The following LARP4B variants were observed in gnomAD, a reference collection of about 807,000 sequenced individuals.
LARP4B encodes La ribonucleoprotein 4B.
A neutral mutation model predicts 89.8 loss-of-function variants in LARP4B; 12 were observed. That is an observed-to-expected ratio of 0.13 (90% CI 0.09 to 0.22). The LOEUF is 0.22. Ranked by LOEUF, LARP4B falls within the 10% of genes least tolerant of loss-of-function variation. The probability of loss-of-function intolerance (pLI) is 1.00; values close to 1 mark genes in which losing one functional copy is unlikely to be tolerated. For synonymous variants in LARP4B, 367 were observed against 363.3 expected (o/e 1.01, Z -0.12); for missense variants, 757 against 947.7 (o/e 0.80, Z 2.64).
the LARP4B span, among the ~76,000 whole-genome samples, chr10:977,798 G>A: frequency 6.6e-6 from 1 of 152,176 alleles, no homozygotes; most frequent in African/African-American, 2.4e-5. Context: ...AGGGACTTGA[G>A]CATCCACTGA....
the LARP4B span, chr10:987,630 A>C: frequency 6.6e-6 from 1 of 152,256 alleles, no homozygotes; most frequent in Non-Finnish European, 1.5e-5. Flanking sequence ...TGACTGAGTC[A>C]GCCCTACCTA....
chr10:873,312 A>C, intron 3 of LARP4B: 10 of 985,428 alleles, frequency 1.0e-5, no homozygotes, highest in Non-Finnish European at 1.1e-5. Flanking sequence ...AATCCTAATG[A>C]CAACAGAGCC....
At chr10:950,303 A>C in the LARP4B span, among the ~76,000 whole-genome samples, 1 of 152,188 alleles carries the variant, frequency 6.6e-6, no homozygotes, top group African/African-American at 2.4e-5. Flanking sequence ...AAGCAATCTT[A>C]TATATTATCA....
At chr10:856,339 C>CA (rs1834302023) in intron 5 of LARP4B, among the ~76,000 whole-genome samples, 2 of 152,034 alleles carry the variant, frequency 1.3e-5, no homozygotes. Context: ...ATATGCATTA[C>CA]AAAAAAATGC....
intron 1 of LARP4B, among the ~76,000 whole-genome samples, chr10:919,906 G>A (rs772412829): frequency 3.3e-5 from 5 of 152,184 alleles, no homozygotes; most frequent in East Asian, 1.9e-4. Context: ...GATACAAACC[G>A]GAGGGTGTTA....
intron 8 of LARP4B, among the ~76,000 whole-genome samples, chr10:831,876 A>G (rs1369674754): frequency 6.6e-6 from 1 of 152,254 alleles, no homozygotes; most frequent in Non-Finnish European, 1.5e-5. Flanking sequence ...AAGCATGCAA[A>G]GAAATAGAAA....
chr10:828,503 C>T (rs1476867578), intron 11 of LARP4B, among the ~76,000 whole-genome samples: 3 of 152,326 alleles, frequency 2.0e-5, no homozygotes, highest in Non-Finnish European at 4.4e-5. Context: ...TGCCTGTCAG[C>T]GGTGACATCC....
chr10:884,296 G>A (rs1588962012), intron 3 of LARP4B, 151 bp downstream of exon 3: 3 of 683,098 alleles, frequency 4.4e-6, no homozygotes, highest in Middle Eastern at 3.8e-4. Context: ...CATACCCAGG[G>A]GTTGTGGTGA....
rs1430445459 is a variant in LARP4B, at chr10:814,414, CAT to C, written c.1929+326_1929+327del. The C allele has an allele frequency of 2.5e-6, 1 of 396,532 alleles. No individual in the cohort carries two copies. The highest frequency in any genetic ancestry group is 5.0e-6 in the Non-Finnish European group (1 of 199,808). The allele number at this position is 396,532 out of a possible 1,614,324, so 24.6% of individuals were successfully genotyped here. A position where few individuals can be genotyped will look rare whatever the true frequency, so the allele number is the denominator to read the frequency against. On this transcript the variant is annotated intron_variant, in intron 17 of 17. Transcript: ENST00000316157. The surrounding 1 kb of genome is among the most constrained non-coding windows in gnomAD (Gnocchi z 4.4). The stretch of plus-strand genomic sequence containing the variant: ...CACGATGCGCGCGCACGCACGCAAA[CAT>C]ACACACACGCGCGAAATGCTGAAAT...
At chr10:854,105 A>C (rs1390250346) in intron 5 of LARP4B, among the ~76,000 whole-genome samples, 1 of 152,216 alleles carries the variant, frequency 6.6e-6, no homozygotes, top group Non-Finnish European at 1.5e-5. Context: ...CATCCATAAG[A>C]AGCAAGTTTT....
chr10:981,290 C>A, the LARP4B span, among the ~76,000 whole-genome samples: 3 of 152,232 alleles, frequency 2.0e-5, no homozygotes, highest in African/African-American at 7.2e-5. Context: ...CCCTCATCAT[C>A]CTGTCTTCCT....
the LARP4B span, among the ~76,000 whole-genome samples, chr10:956,234 C>A: frequency 6.6e-6 from 1 of 152,170 alleles, no homozygotes; most frequent in Non-Finnish European, 1.5e-5. The surrounding 1 kb of genome is among the most constrained non-coding windows in gnomAD (Gnocchi z 4.3). Flanking sequence ...TGGACGGACA[C>A]CACAAACTAC....
Position 863,873 on chromosome 10 carries a change from G to A in LARP4B, c.300C>T (p.Ala100=), listed in dbSNP as rs1271337469. The change falls in exon 5 of 18, where the codon GCC becomes GCT. Residue 100 remains alanine (A), a synonymous_variant. Coordinates refer to ENST00000316157, the MANE Select transcript of LARP4B (RefSeq NM_015155.3). ...HADRGPQGSD[A]NGDGDQGHEN... is the part of the protein sequence containing the mutation. Reference sequence around the variant, plus strand: ...CATGGCCCTGGTCACCATCACCATTGGCATCCGATCCTACAATTAGGAGTT... The same window carrying A: ...CATGGCCCTGGTCACCATCACCATTAGCATCCGATCCTACAATTAGGAGTT... 6.2e-7 allele frequency: 1 copy of A among 1,611,454 alleles called. No homozygotes were observed. Among genetic ancestry groups the A allele is most frequent in the Non-Finnish European group, 8.5e-7 (1 of 1,179,424 alleles).
At chr10:818,040 G>T in intron 14 of LARP4B, 151 bp from the exon 15 acceptor site, 1 of 708,758 alleles carries the variant, frequency 1.4e-6, no homozygotes, top group Non-Finnish European at 2.3e-6. Flanking sequence ...GTTCTCCCAA[G>T]CAACTTCAAC....
At chr10:934,023 G>A (rs1485060464), upstream of LARP4B, among the ~76,000 whole-genome samples, 1 of 151,736 alleles carries the variant, frequency 6.6e-6, no homozygotes, top group Non-Finnish European at 1.5e-5. Context: ...TAGTAGAGAT[G>A]GGGTTTCACC....
At chr10:884,683 A>G (rs943239115) in intron 2 of LARP4B, among the ~76,000 whole-genome samples, 177 bp from the exon 3 acceptor site, 1 of 152,210 alleles carries the variant, frequency 6.6e-6, no homozygotes, top group African/African-American at 2.4e-5. Context: ...TAAATTCTGA[A>G]TGAACATCAT....
At chr10:911,708 T>C (rs948391900) in intron 1 of LARP4B, among the ~76,000 whole-genome samples, 3 of 152,206 alleles carry the variant, frequency 2.0e-5, no homozygotes, top group Non-Finnish European at 4.4e-5. Flanking sequence ...CTGTTTTCAG[T>C]ACGGAGTCTG....
intron 3 of LARP4B, among the ~76,000 whole-genome samples, chr10:866,524 C>T (rs984720487): frequency 2.0e-5 from 3 of 152,260 alleles, no homozygotes; most frequent in Non-Finnish European, 2.9e-5. Flanking sequence ...ACAACACTGC[C>T]TCTGGCAGCG....
intron 11 of LARP4B, among the ~76,000 whole-genome samples, chr10:827,291 A>T (rs796651042): frequency 1.3e-5 from 2 of 152,038 alleles, no homozygotes; most frequent in South Asian, 4.1e-4. Context: ...AAAAGAAAAT[A>T]CATCACACTT....
Sources: gnomAD v4.1 joint callset for allele counts (sites outside exome capture counted in the v4.1 genomes callset) on GRCh38, gnomAD v4.1.1 for gene constraint, Gnocchi (gnomAD v3.1) non-coding constraint, MANE v1.5 for transcripts, NCBI Gene and HGNC (gene_info 2026-07-23, HGNC 2026-07-21) for gene names.